The following PGLS variants were observed in gnomAD, a reference collection of about 807,000 sequenced individuals.
PGLS encodes epididymis secretory protein Li 304.
A neutral mutation model predicts 23.2 loss-of-function variants in PGLS; 21 were observed. The observed-to-expected ratio is 0.91, with a 90% CI of 0.64 to 1.31. The LOEUF (loss-of-function observed/expected upper bound fraction) is 1.31, where lower values mean the gene tolerates loss of function less well. Among genes scored for constraint, PGLS ranks in the 50% most tolerant of loss-of-function variants. The probability of loss-of-function intolerance (pLI) is 0.00; values close to 1 mark genes in which losing one functional copy is unlikely to be tolerated. For synonymous variants in PGLS, 179 were observed against 165.4 expected (o/e 1.08, Z -0.63); for missense variants, 410 against 354.0 (o/e 1.16, Z -1.27).
chr19:17,515,820 C>A (rs1246390012), intron 1 of PGLS: 6 of 228,812 alleles, frequency 2.6e-5, no homozygotes, highest in Non-Finnish European at 5.5e-5. Context: ...TTGAAAGACT[C>A]CTGTTGGAAT....
chr19:17,516,809 G>C (rs1034321117), intron 2 of PGLS, among the ~76,000 whole-genome samples: 4 of 150,434 alleles, frequency 2.7e-5, no homozygotes, highest in African/African-American at 4.9e-5. Flanking sequence ...GGATGGTCTC[G>C]ATCTCCTGAC....
intron 1 of PGLS, chr19:17,515,876 G>A: frequency 6.8e-6 from 2 of 292,362 alleles, no homozygotes; most frequent in South Asian, 4.0e-5. Flanking sequence ...ACCCAGGAGG[G>A]CCACCCTCCC....
At chr19:17,519,732 G>C (rs376609681) in intron 4 of PGLS, among the ~76,000 whole-genome samples, 1 of 152,070 alleles carries the variant, frequency 6.6e-6, no homozygotes, top group Non-Finnish European at 1.5e-5. Flanking sequence ...AGCAACACCC[G>C]CTTATGTATA....
Position 17,511,839 on chromosome 19 carries a change from G to C in PGLS, c.167G>C (p.Arg56Pro). ...SGGSLVSMLA[R>P]ELPAAVAPAG... ...GGGAGCCTCGTCTCGATGCTAGCCC[G>C]CGAGCTACCCGCCGCCGTCGCCCCT... Residue 56 changes from arginine to proline, a missense_variant, in exon 1 of 5, where the codon CGC becomes CCC. Coordinates refer to ENST00000252603, the MANE Select transcript of PGLS (RefSeq NM_012088.3). 1 of 1,528,672 alleles carries C rather than the reference G, an allele frequency of 6.5e-7. No homozygotes were observed. The highest frequency in any genetic ancestry group is 8.8e-7 in the Non-Finnish European group (1 of 1,141,792). The allele number at this position is 1,528,672 out of a possible 1,614,324, so 94.7% of individuals were successfully genotyped here. A position where few individuals can be genotyped will look rare whatever the true frequency, so the allele number is the denominator to read the frequency against.
intron 1 of PGLS, chr19:17,512,228 T>G: frequency 2.1e-6 from 1 of 467,532 alleles, no homozygotes; most frequent in South Asian, 2.7e-5. Context: ...GCCGAGATGG[T>G]CACGCCCACT....
At chr19:17,516,372 A>T in intron 2 of PGLS, 92 bp downstream of exon 2, 1 of 1,513,958 alleles carries the variant, frequency 6.6e-7, no homozygotes. Context: ...CACCAGCAGG[A>T]ACTGCCCCAG....
chr19:17,516,410 T>TC (rs1436924590), intron 2 of PGLS, 130 bp downstream of exon 2: 1 of 1,440,634 alleles, frequency 6.9e-7, no homozygotes, highest in African/African-American at 1.4e-5. Context: ...CTTTGAGGAA[T>TC]CCCCTCTTCG....
At chr19:17,512,240 C>A in intron 1 of PGLS, 1 of 463,096 alleles carries the variant, frequency 2.2e-6, no homozygotes, top group Non-Finnish European at 3.8e-6. Context: ...ACGCCCACTG[C>A]CTGCACCTCG....
At chr19:17,515,176 G>A (rs1051202982) in intron 1 of PGLS, among the ~76,000 whole-genome samples, 1 of 152,146 alleles carries the variant, frequency 6.6e-6, no homozygotes, top group Non-Finnish European at 1.5e-5. Context: ...ACAAAGCAGA[G>A]TGGTCTTTCC....
chr19:17,511,756 G>C lies in PGLS; in HGVS notation c.84G>C (p.Gln28His), dbSNP rs966032445. The C allele has an allele frequency of 1.3e-6, 2 of 1,500,410 alleles. No individual in the cohort carries two copies. Among genetic ancestry groups the C allele is most frequent in the Non-Finnish European group, 1.8e-6 (2 of 1,132,404 alleles). 92.9% of individuals were successfully genotyped at this position (1,500,410 alleles called of 1,614,324 possible). The change falls in exon 1 of 5, where the codon CAG becomes CAC. Residue 28 changes from glutamine (Q) to histidine (H), a missense_variant. By Grantham distance (24) the Gln-to-His change is conservative. Coordinates refer to ENST00000252603, the MANE Select transcript of PGLS (RefSeq NM_012088.3). Reference sequence around the variant, plus strand: ...CGGCGCTAGCGCAGCTGGTGGCCCAGCGCGCAGCATGCTGCCTGGCAGGGG... The same window carrying C: ...CGGCGCTAGCGCAGCTGGTGGCCCACCGCGCAGCATGCTGCCTGGCAGGGG... ...LGAALAQLVAQRAACCLAGAR... is the reference protein window; with the variant it reads ...LGAALAQLVAHRAACCLAGAR...
chr19:17,519,095 C>T (rs991055872), intron 4 of PGLS, among the ~76,000 whole-genome samples: 10 of 151,784 alleles, frequency 6.6e-5, no homozygotes, highest in African/African-American at 2.2e-4. Context: ...AGGCGGATCA[C>T]CTGAGGTCAG....
chr19:17,511,831 G>T lies in PGLS; in HGVS notation c.159G>T (p.Met53Ile). The T allele has an allele frequency of 6.5e-7, 1 of 1,528,504 alleles. No homozygotes were observed. 94.7% of individuals were successfully genotyped at this position (1,528,504 alleles called of 1,614,324 possible). ...TGTCGGGCGGGAGCCTCGTCTCGAT[G>T]CTAGCCCGCGAGCTACCCGCCGCCG... ...LGLSGGSLVS[M>I]LARELPAAVA... The change falls in exon 1 of 5, where the codon ATG (methionine) becomes ATT (isoleucine). Residue 53 changes from methionine (M) to isoleucine (I), a missense_variant. By Grantham distance (10) the Met-to-Ile change is conservative. Transcript: ENST00000252603.
At chr19:17,517,161 G>A (rs1274024386) in intron 2 of PGLS, 127 bp from the exon 3 acceptor site, 1 of 686,326 alleles carries the variant, frequency 1.5e-6, no homozygotes, top group East Asian at 2.6e-5. Context: ...GGGATTTCAG[G>A]TGTGAGCCAC....
Position 17,520,930 on chromosome 19 carries a change from G to C in PGLS, c.640-14G>C. The C allele has an allele frequency of 1.9e-6, 3 of 1,585,150 alleles. No homozygotes were observed. Among genetic ancestry groups the C allele is most frequent in the Non-Finnish European group, 2.6e-6 (3 of 1,164,934 alleles). ...GCCGCAGGCAGGGCCTTACTCTTCT[G>C]CCCTCTTCTTCAGCGCATTTTGGAG... On this transcript the variant is annotated splice_polypyrimidine_tract_variant and intron_variant, in intron 4 of 4. Coordinates refer to ENST00000252603, the MANE Select transcript of PGLS (RefSeq NM_012088.3).
chr19:17,511,694 C>G lies in PGLS; in HGVS notation c.22C>G (p.Leu8Val). 1.3e-6 allele frequency: 2 copies of G among 1,506,472 alleles called. No individual in the cohort carries two copies. Among genetic ancestry groups the G allele is most frequent in the Non-Finnish European group, 1.8e-6 (2 of 1,134,588 alleles). The allele number at this position is 1,506,472 out of a possible 1,614,324, so 93.3% of individuals were successfully genotyped here. A position where few individuals can be genotyped will look rare whatever the true frequency, so the allele number is the denominator to read the frequency against. Residue 8 changes from leucine to valine, a missense_variant, in exon 1 of 5, where the codon CTC (leucine) becomes GTC (valine). Leu to Val is a conservative substitution (Grantham distance 32). Transcript: ENST00000252603. ...CGCCATGGCCGCGCCGGCCCCGGGC[C>G]TCATCTCGGTGTTCTCGAGTTCCCA... The part of the protein sequence containing the change: MAAPAPG[L>V]ISVFSSSQEL...
chr19:17,516,281 G>T lies in PGLS; in HGVS notation c.396+1G>T. The T allele has an allele frequency of 6.2e-7, 1 of 1,613,334 alleles. No individual in the cohort carries two copies. The highest frequency in any genetic ancestry group is 8.5e-7 in the Non-Finnish European group (1 of 1,179,606). On this transcript the variant is annotated splice_donor_variant, in intron 2 of 4. Coordinates refer to ENST00000252603, the MANE Select transcript of PGLS (RefSeq NM_012088.3). LOFTEE classifies it high-confidence loss of function. Reference sequence around the variant, plus strand: ...GGACTACGCCAAGAAGCTGAGACAGGTGAGCCCCGAGGAGCGGCCGCAAGG... The same window carrying T: ...GGACTACGCCAAGAAGCTGAGACAGTTGAGCCCCGAGGAGCGGCCGCAAGG...
At chr19:17,518,566 T>C (rs915209379) in intron 4 of PGLS, 6 of 152,178 alleles carry the variant, frequency 3.9e-5, no homozygotes, top group African/African-American at 1.4e-4. Flanking sequence ...AGTCTCCCTC[T>C]GTCGCCAAGG....
chr19:17,512,112 G>A, intron 1 of PGLS, 152 bp downstream of exon 1: 1 of 822,770 alleles, frequency 1.2e-6, no homozygotes, highest in Non-Finnish European at 1.8e-6. Flanking sequence ...CATGCCAAGA[G>A]GGCCGTGCCC....
At chr19:17,516,403 T>C in intron 2 of PGLS, 123 bp downstream of exon 2, 2 of 1,456,782 alleles carry the variant, frequency 1.4e-6, no homozygotes, top group South Asian at 1.3e-5. Context: ...CAGATCCCTT[T>C]GAGGAATCCC....
Sources: gnomAD v4.1 joint callset for allele counts (sites outside exome capture counted in the v4.1 genomes callset) on GRCh38, gnomAD v4.1.1 for gene constraint, MANE v1.5 for transcripts, NCBI Gene and HGNC (gene_info 2026-07-23, HGNC 2026-07-21) for gene names.